The following CYSLTR2 variants were observed in gnomAD, a reference collection of about 807,000 sequenced individuals.
CYSLTR2 encodes the protein cysteinyl leukotriene receptor 2, also known as G-protein coupled receptor GPCR21.
For synonymous variants in CYSLTR2, 179 were observed against 160.8 expected, an observed-to-expected ratio of 1.11 and a Z score of -0.86; for missense variants, 398 against 411.9, an observed-to-expected ratio of 0.97 and a Z score of 0.29.
chr13:48,654,801 G>T (rs892401758), intron 1 of CYSLTR2, among the ~76,000 whole-genome samples: 1 of 152,138 alleles, frequency 6.6e-6, no homozygotes, highest in Non-Finnish European at 1.5e-5. Flanking sequence ...TTAACTTTTG[G>T]AGATCAGTGA....
intron 1 of CYSLTR2, among the ~76,000 whole-genome samples, chr13:48,678,533 C>T (rs1252910748): frequency 6.6e-6 from 1 of 152,156 alleles, no homozygotes. Context: ...AGCCTCTCCA[C>T]TCCTCTGGCT....
chr13:48,668,348 G>A (rs1019730090), intron 1 of CYSLTR2, among the ~76,000 whole-genome samples: 4 of 152,140 alleles, frequency 2.6e-5, no homozygotes, highest in Non-Finnish European at 4.4e-5. Flanking sequence ...CACATTGCAG[G>A]TTGAGGAAGA....
At chr13:48,680,387 G>A (rs1448730279) in intron 1 of CYSLTR2, among the ~76,000 whole-genome samples, 1 of 152,216 alleles carries the variant, frequency 6.6e-6, no homozygotes, top group Non-Finnish European at 1.5e-5. Context: ...TTGCAGCTTT[G>A]CTATCACTGT....
chr13:48,703,806 TTAA>T (rs1954412175), intron 4 of CYSLTR2, among the ~76,000 whole-genome samples: 1 of 152,226 alleles, frequency 6.6e-6, no homozygotes, highest in African/African-American at 2.4e-5. Flanking sequence ...GGAATTGGTG[TTAA>T]TTCTTATTTA....
intron 1 of CYSLTR2, among the ~76,000 whole-genome samples, chr13:48,667,386 G>A (rs537450157): frequency 2.0e-5 from 3 of 152,344 alleles, no homozygotes; most frequent in African/African-American, 7.2e-5. Flanking sequence ...AGCCTGGGGG[G>A]TGGAGGGCAT....
At chr13:48,677,775 C>A (rs1021367181) in intron 1 of CYSLTR2, among the ~76,000 whole-genome samples, 1 of 152,096 alleles carries the variant, frequency 6.6e-6, no homozygotes, top group African/African-American at 2.4e-5. Context: ...GTCTCAACTG[C>A]TGCTTTTCTT....
intron 1 of CYSLTR2, among the ~76,000 whole-genome samples, chr13:48,667,136 G>T (rs563185513): frequency 6.6e-6 from 1 of 152,266 alleles, no homozygotes; most frequent in East Asian, 1.9e-4. Context: ...AGACATTTTA[G>T]TGTAGTCTTC....
chr13:48,682,040 C>A (rs1271832487), intron 1 of CYSLTR2, among the ~76,000 whole-genome samples: 2 of 152,026 alleles, frequency 1.3e-5, no homozygotes, highest in Non-Finnish European at 2.9e-5. Flanking sequence ...GTAATGAAAC[C>A]TTTATGTAAA....
chr13:48,692,831 T>C (rs1041493479), intron 2 of CYSLTR2, among the ~76,000 whole-genome samples: 1 of 151,492 alleles, frequency 6.6e-6, no homozygotes, highest in African/African-American at 2.4e-5. Flanking sequence ...ATATATGATG[T>C]CATTCAAAGG....
rs1237553199 is a variant in CYSLTR2 at position 48,707,450 on chromosome 13, G to A, written c.633G>A (p.Leu211=). ...MNYIALVVGC[L]LPFFTLSICY... The stretch of plus-strand genomic sequence containing the variant: ...ATATTGCCTTGGTGGTGGGCTGCCT[G>A]CTGCCATTTTTCACACTCAGCATCT... Residue 211 remains leucine (L), a synonymous_variant, in exon 5 of 5, where the codon CTG becomes CTA. Transcript: ENST00000682523. 1.2e-5 allele frequency: 19 copies of A among 1,613,960 alleles called. No homozygotes were observed. Among genetic ancestry groups the A allele is most frequent in the Non-Finnish European group, 1.6e-5 (19 of 1,180,028 alleles).
chr13:48,654,177 G>A (rs985683623), intron 1 of CYSLTR2, among the ~76,000 whole-genome samples, 160 bp downstream of exon 1: 1 of 151,374 alleles, frequency 6.6e-6, no homozygotes, highest in African/African-American at 2.4e-5. Context: ...AAATACTGTG[G>A]AAGTATAAAA....
chr13:48,665,416 T>A (rs1054135409), intron 1 of CYSLTR2, among the ~76,000 whole-genome samples: 2 of 152,112 alleles, frequency 1.3e-5, no homozygotes, highest in African/African-American at 4.8e-5. Context: ...AATTGGCTGC[T>A]GAGTCCCCAG....
intron 1 of CYSLTR2, among the ~76,000 whole-genome samples, chr13:48,690,472 G>T (rs1294003654): frequency 6.6e-6 from 1 of 152,100 alleles, no homozygotes; most frequent in East Asian, 1.9e-4. Context: ...AAGGGGTGTT[G>T]AATTATATCA....
chr13:48,671,098 G>A lies in CYSLTR2; in HGVS notation c.-266+17081G>A, dbSNP rs1476568889. ...TCTGTTTGTCTATTATTTGGGTGTA[G>A]GAATGCTTGTGATTTTTGCACATTG... On this transcript the variant is annotated intron_variant, in intron 1 of 4. Transcript: ENST00000682523. Among the ~76,000 whole-genome samples, 4 of 152,096 alleles carry A rather than the reference G, an allele frequency of 2.6e-5. No homozygotes were observed. In the East Asian group the frequency reaches 5.8e-4, roughly 22 times the overall value.
intron 1 of CYSLTR2, among the ~76,000 whole-genome samples, chr13:48,663,699 A>T (rs886242143): frequency 2.6e-5 from 4 of 152,038 alleles, no homozygotes; most frequent in African/African-American, 9.7e-5. Flanking sequence ...TGTTTCCTGC[A>T]ACTTTATTGA....
intron 1 of CYSLTR2, among the ~76,000 whole-genome samples, chr13:48,657,466 A>G (rs185110741): frequency 1.1e-4 from 16 of 151,956 alleles, no homozygotes; most frequent in African/African-American, 3.9e-4. Context: ...CAGACTATAG[A>G]AAGAACAGAA....
intron 4 of CYSLTR2, among the ~76,000 whole-genome samples, chr13:48,700,907 T>C (rs1273829692): frequency 1.3e-5 from 2 of 152,132 alleles, no homozygotes; most frequent in Admixed American, 6.5e-5. Context: ...CCATTCACAA[T>C]TGCTTCAAAG....
intron 1 of CYSLTR2, among the ~76,000 whole-genome samples, chr13:48,681,355 G>A (rs572292450): frequency 6.6e-6 from 1 of 152,250 alleles, no homozygotes; most frequent in South Asian, 2.1e-4. Context: ...GGCGTTCTTG[G>A]TCTGAGTCTC....
At chr13:48,693,311 A>C (rs1250058545) in intron 2 of CYSLTR2, 127 bp from the exon 3 acceptor site, 1 of 152,038 alleles carries the variant, frequency 6.6e-6, no homozygotes, top group Non-Finnish European at 1.5e-5. Context: ...CCAAACATGT[A>C]ATCTTTTAAC....
Sources: allele counts gnomAD v4.1 joint callset (sites outside exome capture counted in the v4.1 genomes callset), GRCh38; gene constraint gnomAD v4.1.1; transcripts MANE v1.5; gene names NCBI Gene and HGNC (gene_info 2026-07-23, HGNC 2026-07-21).